The following RFX3 variants were observed in gnomAD, a reference collection of about 807,000 sequenced individuals.
The protein encoded by RFX3 is transcription factor RFX3.
Under a neutral mutation model 98.6 loss-of-function variants are expected in RFX3, and 14 were observed. The ratio of observed to expected loss-of-function variants is 0.14; its 90% CI spans 0.09 to 0.22. The LOEUF is 0.22. Ranked by LOEUF, RFX3 falls within the 10% of genes least tolerant of loss-of-function variation. The pLI, the probability that RFX3 is intolerant of heterozygous loss-of-function variation, is 1.00. For synonymous variants in RFX3, 383 were observed against 328.4 expected (o/e 1.17, Z -1.80); for missense variants, 639 against 926.9 (o/e 0.69, Z 4.03).
chr9:3,325,744 A>G (rs1243370057), intron 4 of RFX3, among the ~76,000 whole-genome samples: 2 of 152,184 alleles, frequency 1.3e-5, no homozygotes, highest in Non-Finnish European at 2.9e-5. Context: ...CACCAAAAAA[A>G]ATCACTAACT....
chr9:3,355,234 T>C (rs1835608720), intron 2 of RFX3, among the ~76,000 whole-genome samples: 1 of 151,836 alleles, frequency 6.6e-6, no homozygotes, highest in African/African-American at 2.4e-5. Flanking sequence ...TATCAATAAT[T>C]ACCTGGAATC....
chr9:3,330,607 G>A, intron 3 of RFX3, 90 bp from the exon 4 acceptor site: 2 of 1,249,084 alleles, frequency 1.6e-6, no homozygotes, highest in Non-Finnish European at 2.2e-6. Flanking sequence ...GAAATATATT[G>A]GTTGGCTTAG....
intron 1 of RFX3, among the ~76,000 whole-genome samples, chr9:3,414,977 CTT>C (rs1290989702): frequency 3.8e-5 from 5 of 131,184 alleles, no homozygotes; most frequent in African/African-American, 5.9e-5. Flanking sequence ...CATATATACA[CTT>C]ATATATACTC....
rs1819229805 is a variant in RFX3 at position 3,525,829 on chromosome 9, G to C, written c.-91C>G. 1.0e-6 allele frequency: 1 copy of C among 962,186 alleles called. No individual in the cohort carries two copies. Among genetic ancestry groups the C allele is most frequent in the Non-Finnish European group, 1.2e-6 (1 of 807,872 alleles). The allele number at this position is 962,186 out of a possible 1,614,324, so 59.6% of individuals were successfully genotyped here. ...AGGAGGAGGAGGAAGAGGAGGAGGA[G>C]GAGGAGAGGAGTAGTTGTTGTTGAT... On this transcript the variant is annotated 5_prime_UTR_variant, in exon 1 of 17. Coordinates refer to ENST00000617270, the MANE Select transcript of RFX3 (RefSeq NM_001282116.2).
intron 2 of RFX3, among the ~76,000 whole-genome samples, chr9:3,374,980 G>A (rs1838297273): frequency 6.6e-6 from 1 of 151,854 alleles, no homozygotes; most frequent in Admixed American, 6.6e-5. Flanking sequence ...CAAGGTTCAT[G>A]AACAAAATTA....
At chr9:3,512,751 G>C (rs939056952) in intron 1 of RFX3, among the ~76,000 whole-genome samples, 2 of 151,738 alleles carry the variant, frequency 1.3e-5, no homozygotes, top group African/African-American at 2.4e-5. Flanking sequence ...CCTCCCATTA[G>C]GTAAAAATCA....
intron 1 of RFX3, among the ~76,000 whole-genome samples, chr9:3,437,067 C>A (rs992987690): frequency 1.3e-5 from 2 of 152,054 alleles, no homozygotes; most frequent in Admixed American, 6.6e-5. Flanking sequence ...ATTTTCCAAG[C>A]AGCAAATGAA....
rs1300163557 is a variant in RFX3, at chr9:3,415,117, TA to T, written c.-8-19522del. Among the ~76,000 whole-genome samples, 21 of 92,574 alleles carry T rather than the reference TA, an allele frequency of 2.3e-4. 1 individual carries two copies. The highest frequency in any genetic ancestry group is 1.6e-3 in the African/African-American group (19 of 12,244). 60.7% of individuals were successfully genotyped at this position (92,574 alleles called of 152,430 possible). A position where few individuals can be genotyped will look rare whatever the true frequency, so the allele number is the denominator to read the frequency against. ...ATACTCATATATAAGTATATATATA[TA>T]CTTATATATATACTCTTATCTATAT... On this transcript the variant is annotated intron_variant, in intron 1 of 16. Coordinates refer to ENST00000617270, the MANE Select transcript of RFX3 (RefSeq NM_001282116.2).
chr9:3,241,946 T>G (rs1819984618), intron 15 of RFX3, among the ~76,000 whole-genome samples: 1 of 152,216 alleles, frequency 6.6e-6, no homozygotes, highest in Admixed American at 6.5e-5. Context: ...TAATAAAAAC[T>G]TTTAAGCTAG....
intron 15 of RFX3, among the ~76,000 whole-genome samples, chr9:3,233,280 G>C (rs569552575): frequency 6.6e-6 from 1 of 152,312 alleles, no homozygotes; most frequent in African/African-American, 2.4e-5. Flanking sequence ...GAGACCCTGG[G>C]TTGTGGCCAG....
chr9:3,366,775 C>G, intron 2 of RFX3, among the ~76,000 whole-genome samples: 1 of 104,494 alleles, frequency 9.6e-6, no homozygotes, highest in Middle Eastern at 5.7e-3. Context: ...TATGTACATT[C>G]AAAAGTCATC....
At chr9:3,463,718 C>T (rs1002017995) in intron 1 of RFX3, among the ~76,000 whole-genome samples, 1 of 152,084 alleles carries the variant, frequency 6.6e-6, no homozygotes, top group African/African-American at 2.4e-5. Flanking sequence ...TGCTTATAAT[C>T]CCAACACTTT....
intron 2 of RFX3, among the ~76,000 whole-genome samples, chr9:3,362,456 C>T (rs991607384): frequency 1.3e-5 from 2 of 152,138 alleles, no homozygotes; most frequent in African/African-American, 4.8e-5. Flanking sequence ...AGTCTTAGCT[C>T]TTTGGATATA....
chr9:3,232,569 T>C (rs935055434), intron 15 of RFX3, among the ~76,000 whole-genome samples: 2 of 152,214 alleles, frequency 1.3e-5, no homozygotes, highest in Non-Finnish European at 2.9e-5. Context: ...CTGATACACA[T>C]TAAAGGCTGA....
rs983483266 is a variant in RFX3 at position 3,402,296 on chromosome 9, G to C, written c.-8-6700C>G. Among the ~76,000 whole-genome samples the C allele has an allele frequency of 1.3e-5, 2 of 152,126 alleles. 1 individual carries two copies. The highest frequency in any genetic ancestry group is 1.3e-4 in the Admixed American group (2 of 15,254). ...TGTATTATTTTTAACACTGAGGAAT[G>C]TAACAGGTTTAAATTCAGTACAGAA... On this transcript the variant is annotated intron_variant, in intron 1 of 16. Coordinates refer to ENST00000617270, the MANE Select transcript of RFX3 (RefSeq NM_001282116.2).
intron 1 of RFX3, among the ~76,000 whole-genome samples, chr9:3,442,317 T>A (rs1009835901): frequency 6.6e-6 from 1 of 152,050 alleles, no homozygotes; most frequent in Non-Finnish European, 1.5e-5. Flanking sequence ...TATGATGTGA[T>A]GAGAAAGGCA....
intron 15 of RFX3, among the ~76,000 whole-genome samples, chr9:3,246,876 G>A (rs568811889): frequency 6.6e-6 from 1 of 152,232 alleles, no homozygotes; most frequent in South Asian, 2.1e-4. Flanking sequence ...ATACAGCAAG[G>A]GGTTTTAAAG....
chr9:3,274,384 G>C (rs953594802), intron 9 of RFX3, among the ~76,000 whole-genome samples: 1 of 152,160 alleles, frequency 6.6e-6, no homozygotes, highest in African/African-American at 2.4e-5. Flanking sequence ...CTGGAATAAA[G>C]CTACTTAAAT....
chr9:3,468,995 G>T (rs940616755), intron 1 of RFX3, among the ~76,000 whole-genome samples: 1 of 151,538 alleles, frequency 6.6e-6, no homozygotes, highest in Non-Finnish European at 1.5e-5. Flanking sequence ...TCAGTTTTTC[G>T]TAATACCCAC....
Sources: gnomAD v4.1 joint callset for allele counts (sites outside exome capture counted in the v4.1 genomes callset) on GRCh38, gnomAD v4.1.1 for gene constraint, MANE v1.5 for transcripts, NCBI Gene and HGNC (gene_info 2026-07-23, HGNC 2026-07-21) for gene names.